The following CADPS2 variants were observed in gnomAD, a reference collection of about 807,000 sequenced individuals.
CADPS2 encodes the protein calcium-dependent secretion activator 2.
A neutral mutation model predicts 172.5 loss-of-function variants in CADPS2; 93 were observed. That is an observed-to-expected ratio of 0.54 (90% CI 0.46 to 0.64). The LOEUF is 0.64. Among genes scored for constraint, CADPS2 ranks in the 30% least tolerant of loss-of-function variants. The pLI is 0.00. For synonymous variants in CADPS2, 546 were observed against 555.2 expected (o/e 0.98, Z 0.23); for missense variants, 1,420 against 1,565.9 (o/e 0.91, Z 1.57).
intron 1 of CADPS2, among the ~76,000 whole-genome samples, chr7:122,757,424 A>C (rs1296821679): frequency 6.6e-6 from 1 of 152,098 alleles, no homozygotes; most frequent in Admixed American, 6.6e-5. Context: ...CTGGGATTAC[A>C]GGCACGAGCC....
In CADPS2 at chr7:122,387,187, CAT is replaced by C; in HGVS notation, c.3165-16_3165-15del. The C allele has an allele frequency of 6.4e-7, 1 of 1,567,210 alleles. No homozygotes were observed. The highest frequency in any genetic ancestry group is 1.9e-5 in the Admixed American group (1 of 53,356). On this transcript the variant is annotated splice_polypyrimidine_tract_variant and intron_variant, in intron 23 of 29. Coordinates refer to ENST00000449022, the MANE Select transcript of CADPS2 (RefSeq NM_017954.11). The stretch of plus-strand genomic sequence containing the variant: ...GCAGTTCTTGTTCTAGTTTTTAAAA[CAT>C]GAATTCAGAGTAAGAAATTCTGCTA...
rs1251335816 is a variant in CADPS2, at chr7:122,848,463, C to T, written c.339+37536G>A. On this transcript the variant is annotated intron_variant, in intron 1 of 29. Coordinates refer to ENST00000449022, the MANE Select transcript of CADPS2 (RefSeq NM_017954.11). ...TGGCCAGGTCTAGGCTGAACGTTCT[C>T]ACAGTAGAGGAGCCAGGACCCCCAA... is the stretch of plus-strand genomic sequence containing the variant. Among the ~76,000 whole-genome samples, 3 of 152,172 alleles carry T rather than the reference C, an allele frequency of 2.0e-5. No homozygotes were observed. In the East Asian group the frequency reaches 5.8e-4, roughly 29 times the overall value.
At chr7:122,730,608 T>A (rs1156388720) in intron 2 of CADPS2, among the ~76,000 whole-genome samples, 1 of 151,756 alleles carries the variant, frequency 6.6e-6, no homozygotes, top group African/African-American at 2.4e-5. Context: ...ATATTGAGTA[T>A]CTGATATTAA....
intron 2 of CADPS2, among the ~76,000 whole-genome samples, chr7:122,696,097 C>T (rs1005016346): frequency 6.6e-6 from 1 of 152,160 alleles, no homozygotes; most frequent in Non-Finnish European, 1.5e-5. Context: ...CCACCCCACC[C>T]CCATCCGCTG....
chr7:122,564,878 A>AC (rs1275639457), intron 7 of CADPS2, among the ~76,000 whole-genome samples: 2 of 127,048 alleles, frequency 1.6e-5, no homozygotes, highest in South Asian at 2.6e-4. Flanking sequence ...CACACACACA[A>AC]AACACTACCC....
At chr7:122,406,548 T>C (rs1398697106) in intron 20 of CADPS2, among the ~76,000 whole-genome samples, 3 of 152,160 alleles carry the variant, frequency 2.0e-5, no homozygotes, top group African/African-American at 4.8e-5. Flanking sequence ...TGTGTTCTTC[T>C]GAGCACCACA....
chr7:122,505,215 T>G (rs563950572), intron 9 of CADPS2, among the ~76,000 whole-genome samples: 1 of 152,316 alleles, frequency 6.6e-6, no homozygotes, highest in Non-Finnish European at 1.5e-5. Context: ...GAGCTAGCCT[T>G]ATAAATTAGT....
At chr7:122,767,408 T>C (rs1392572745) in intron 1 of CADPS2, among the ~76,000 whole-genome samples, 3 of 152,150 alleles carry the variant, frequency 2.0e-5, no homozygotes, top group South Asian at 2.1e-4. Flanking sequence ...CCAAAGGCTA[T>C]GCTTTGAAAT....
intron 2 of CADPS2, among the ~76,000 whole-genome samples, chr7:122,692,129 T>C (rs1031889885): frequency 1.3e-5 from 2 of 152,108 alleles, no homozygotes; most frequent in African/African-American, 4.8e-5. Context: ...ACTGGAATAC[T>C]CGGGCAGGAC....
In CADPS2 at chr7:122,346,049, C is replaced by A. The variant is rs192116678; in HGVS notation, c.3505-368G>T. On this transcript the variant is annotated intron_variant, in intron 27 of 29. Coordinates refer to ENST00000449022, the MANE Select transcript of CADPS2 (RefSeq NM_017954.11). ...GTTGCAAATACAATTTACTTTGCATCATCTCTGGCTGGCTTATCAATAATA... is the reference window on the plus strand; with the variant it reads ...GTTGCAAATACAATTTACTTTGCATAATCTCTGGCTGGCTTATCAATAATA... 2.0e-3 allele frequency among the ~76,000 whole-genome samples: 299 copies of A among 151,332 alleles called. 2 individuals carry two copies. The highest frequency in any genetic ancestry group is 3.4e-3 in the Middle Eastern group (1 of 294).
intron 9 of CADPS2, among the ~76,000 whole-genome samples, chr7:122,508,709 A>G (rs1403394701): frequency 2.6e-5 from 4 of 152,090 alleles, no homozygotes; most frequent in African/African-American, 9.7e-5. Flanking sequence ...CTCACAGAAT[A>G]AAAATATATG....
intron 14 of CADPS2, among the ~76,000 whole-genome samples, chr7:122,456,683 C>T (rs2053820196): frequency 6.6e-6 from 1 of 152,142 alleles, no homozygotes; most frequent in African/African-American, 2.4e-5. Flanking sequence ...GCCACTGAGG[C>T]CTGATCTTAA....
At chr7:122,831,076 T>G (rs1249362427) in intron 1 of CADPS2, among the ~76,000 whole-genome samples, 1 of 152,176 alleles carries the variant, frequency 6.6e-6, no homozygotes, top group Non-Finnish European at 1.5e-5. Context: ...AAGAGAAGTT[T>G]AGAAGTTGTG....
At chr7:122,513,159 A>C in intron 9 of CADPS2, 90 bp downstream of exon 9, 1 of 835,070 alleles carries the variant, frequency 1.2e-6, no homozygotes, top group South Asian at 1.6e-5. Context: ...TAATTTCTAA[A>C]ACAGTAAATT....
At position 122,320,407 on chromosome 7, in the gene CADPS2, T is replaced by G; in HGVS notation, c.3718-69A>C. 1.6e-6 allele frequency: 2 copies of G among 1,239,678 alleles called. 1 individual carries two copies. Among genetic ancestry groups the G allele is most frequent in the South Asian group, 4.4e-5 (2 of 45,872 alleles). 76.8% of individuals were successfully genotyped at this position (1,239,678 alleles called of 1,614,324 possible). The stretch of plus-strand genomic sequence containing the variant: ...TGCGTGTACATAGATATATACTCAG[T>G]TGGCATTTCAAAAATGATCTTGGGG... On this transcript the variant is annotated intron_variant, in intron 29 of 29. Transcript: ENST00000449022.
chr7:122,420,123 G>T (rs949258407), intron 17 of CADPS2, among the ~76,000 whole-genome samples: 1 of 152,100 alleles, frequency 6.6e-6, no homozygotes. Flanking sequence ...CATACAGACA[G>T]AAATAATATT....
At position 122,524,342 on chromosome 7, in the gene CADPS2, G is replaced by A. The variant is rs536177720; in HGVS notation, c.1476-11027C>T. On this transcript the variant is annotated intron_variant, in intron 8 of 29. Transcript: ENST00000449022. The stretch of plus-strand genomic sequence containing the variant: ...CCTTTTTTTTGGAAATGTAGGTATC[G>A]GTCTCCCTTTTTCATATTCAGAATT... 1.1e-4 allele frequency among the ~76,000 whole-genome samples: 16 copies of A among 151,826 alleles called. 1 individual carries two copies. The highest frequency in any genetic ancestry group is 6.3e-4 in the South Asian group (3 of 4,792).
At chr7:122,697,788 T>C (rs1433851167) in intron 2 of CADPS2, 2 of 1,565,940 alleles carry the variant, frequency 1.3e-6, no homozygotes, top group Non-Finnish European at 1.7e-6. Context: ...AGTCATGCCA[T>C]CAAGGTGAAG....
chr7:122,611,417 T>C (rs1351185168), intron 6 of CADPS2, among the ~76,000 whole-genome samples: 1 of 151,996 alleles, frequency 6.6e-6, no homozygotes, highest in Non-Finnish European at 1.5e-5. Context: ...AAAACTATGA[T>C]CAAATGTGTA....
Sources: allele counts gnomAD v4.1 joint callset (sites outside exome capture counted in the v4.1 genomes callset), GRCh38; gene constraint gnomAD v4.1.1; transcripts MANE v1.5; gene names NCBI Gene and HGNC (gene_info 2026-07-23, HGNC 2026-07-21).